Variants in SYNE1 observed in about 807,000 individuals in gnomAD.
The protein encoded by SYNE1 is spectrin repeat containing nuclear envelope protein 1, also known as nesprin-1.
SYNE1 carries 616 observed loss-of-function variants against 1,111.0 expected under a neutral mutation model. The ratio of observed to expected loss-of-function variants is 0.55; its 90% CI spans 0.52 to 0.59. The LOEUF is 0.59. SYNE1 is among the 20% of genes least tolerant of loss of function. The pLI, the probability that SYNE1 is intolerant of heterozygous loss-of-function variation, is 0.00. For missense variants in SYNE1, 10,006 were observed against 10,417.0 expected, an observed-to-expected ratio of 0.96 and a Z score of 1.72; for synonymous variants, 3,855 against 3,825.8, an observed-to-expected ratio of 1.01 and a Z score of -0.28.
rs959698366 is a variant in SYNE1, at chr6:152,447,678, C to G, written c.3505-56G>C. 8.1e-6 allele frequency: 13 copies of G among 1,608,768 alleles called. No individual in the cohort carries two copies. In the Admixed American group the frequency reaches 2.2e-4, roughly 27 times the overall value. ...AGTGCAATTGTGAAATCATAACTTT[C>G]CAGCAATAAAGGACTCAGCCTAAAA... On this transcript the variant is annotated intron_variant, in intron 28 of 145. Coordinates refer to ENST00000367255, the MANE Select transcript of SYNE1 (RefSeq NM_182961.4).
Position 152,516,588 on chromosome 6 carries a change from A to T in SYNE1, c.309+3871T>A, listed in dbSNP as rs529515881. ...CTGAAAAACTCTATCTTTATTTTTT[A>T]TTTTTATTTTTTTTAAGAGAAAGAG... On this transcript the variant is annotated intron_variant, in intron 6 of 145. Coordinates refer to ENST00000367255, the MANE Select transcript of SYNE1 (RefSeq NM_182961.4). Among the ~76,000 whole-genome samples the T allele has an allele frequency of 1.8e-4, 27 of 152,072 alleles. No individual in the cohort carries two copies. In the South Asian group the frequency reaches 4.2e-3, roughly 23 times the overall value.
Position 152,441,192 on chromosome 6 carries a change from G to A in SYNE1, c.4087C>T (p.His1363Tyr), listed in dbSNP as rs886044504. ...VRYLFQTGSSHERFLSFSSLE... is the reference protein window; with the variant it reads ...VRYLFQTGSSYERFLSFSSLE... ...CTGCTAAAACTCAAGAAGCGTTCAT[G>A]ACTGGAACCTGTTTGAAAAAGGTAT... The change falls in exon 32 of 146, where the codon CAT (histidine) becomes TAT (tyrosine). Residue 1363 changes from histidine (H) to tyrosine (Y), a missense_variant. Physicochemically the swap from His to Tyr is moderately conservative, Grantham distance 83 (BLOSUM62 2). Transcript: ENST00000367255. 1 of 1,613,332 alleles carries A rather than the reference G, an allele frequency of 6.2e-7. No homozygotes were observed. The highest frequency in any genetic ancestry group is 1.3e-5 in the African/African-American group (1 of 74,904).
Position 152,183,258 on chromosome 6 carries a change from C to T in SYNE1, c.23302-2964G>A, listed in dbSNP as rs141241085. Among the ~76,000 whole-genome samples the T allele has an allele frequency of 3.5e-3, 539 of 152,228 alleles. 4 individuals carry two copies. Among genetic ancestry groups the T allele is most frequent in the African/African-American group, 0.012 (517 of 41,546 alleles). ...GGAGTCTGGCTGGTAGTTAAAATCC[C>T]GGTTCAATTGATGGCCAAACTGAAA... On this transcript the variant is annotated intron_variant, in intron 128 of 145. Transcript: ENST00000367255.
rs201779943 is a variant in SYNE1 at position 152,293,634 on chromosome 6, C to A, written c.17966G>T (p.Ser5989Ile). 21 of 1,614,018 alleles carry A rather than the reference C, an allele frequency of 1.3e-5. No individual in the cohort carries two copies. The highest frequency in any genetic ancestry group is 3.3e-5 in the Admixed American group (2 of 59,998). ...TTCTGGACTCCTGCCAGGCTCTGGG[C>A]TCTCACTGAGTTTCAGCTCAATGGC... ...MEAIELKLSE[S>I]PEPGRSPESQ... Residue 5989 changes from serine (S) to isoleucine (I), a missense_variant, in exon 95 of 146, where the codon AGC becomes ATC. This residue lies in a region of SYNE1 where 4,955 missense variants were observed against 5,017.2 expected (regional missense o/e 0.99). Coordinates refer to ENST00000367255, the MANE Select transcript of SYNE1 (RefSeq NM_182961.4).
rs193008942 is a variant in SYNE1 at position 152,143,719 on chromosome 6, G to A, written c.25023C>T (p.Ala8341=). 66 of 1,614,182 alleles carry A rather than the reference G, an allele frequency of 4.1e-5. 1 individual carries two copies. The East Asian group carries it at 1.4e-3, about 33-fold the overall frequency. The change falls in exon 138 of 146, where the codon GCC becomes GCT. Residue 8341 remains alanine (A), a synonymous_variant. Coordinates refer to ENST00000367255, the MANE Select transcript of SYNE1 (RefSeq NM_182961.4). ...GTATCTGAAAACGGCTATCATCCAG[G>A]GCTTTGCCCAGTTGTCGGATCTGTG... ...LESQIRQLGK[A]LDDSRFQIQQ...
Position 152,380,909 on chromosome 6 carries a change from G to A in SYNE1, c.9009+97C>T, listed in dbSNP as rs527700730. On this transcript the variant is annotated intron_variant, in intron 56 of 145. Transcript: ENST00000367255. The stretch of plus-strand genomic sequence containing the variant: ...TACTTCTTCCAAGTGTGCATGTTGC[G>A]TGTTTTTAGTTAGCAAGATTTTTTT... 1.8e-4 allele frequency: 207 copies of A among 1,136,812 alleles called. 2 individuals carry two copies. The highest frequency in any genetic ancestry group is 2.6e-4 in the South Asian group (21 of 80,590). The allele number at this position is 1,136,812 out of a possible 1,614,324, so 70.4% of individuals were successfully genotyped here.
intron 2 of SYNE1, among the ~76,000 whole-genome samples, chr6:152,629,688 G>T (rs1225524463): frequency 6.6e-6 from 1 of 152,072 alleles, no homozygotes. Flanking sequence ...GAAATAATTA[G>T]ACAGAAAGAA....
At chr6:152,254,212 C>A (rs1354060196) in intron 104 of SYNE1, among the ~76,000 whole-genome samples, 1 of 149,332 alleles carries the variant, frequency 6.7e-6, no homozygotes, top group East Asian at 2.0e-4. Flanking sequence ...CAGTCTATGG[C>A]CCTTTCTATA....
intron 3 of SYNE1, among the ~76,000 whole-genome samples, chr6:152,628,044 C>CAAAAAAAAAAAAAAAA (rs66815986): frequency 2.7e-4 from 28 of 103,328 alleles, no homozygotes; most frequent in East Asian, 6.2e-4. Context: ...CACAAAATTA[C>CAAAAAAAAAAAAAAAA]AAAAAAAAAA....
rs745857717 is a variant in SYNE1, at chr6:152,318,863, C to A, written c.16389G>T (p.Lys5463Asn). ...DNVVQAKTDQ[K>N]VLGEELDGCN... ...TACCCTTTAAAATTCTACTTCTTAC[C>A]TTTTGGTCAGTTTTAGCTTGAACTA... Residue 5463 changes from lysine to asparagine, a missense_variant and splice_region_variant, in exon 85 of 146, where the codon AAG becomes AAT. Lys to Asn is a moderately conservative substitution (Grantham distance 94). This residue lies in a region of SYNE1 where 4,955 missense variants were observed against 5,017.2 expected (regional missense o/e 0.99). Coordinates refer to ENST00000367255, the MANE Select transcript of SYNE1 (RefSeq NM_182961.4). The A allele has an allele frequency of 6.2e-7, 1 of 1,614,018 alleles. No individual in the cohort carries two copies. The highest frequency in any genetic ancestry group is 1.7e-5 in the Admixed American group (1 of 60,020).
intron 101 of SYNE1, among the ~76,000 whole-genome samples, chr6:152,257,856 C>CA (rs552883407): frequency 4.6e-5 from 7 of 151,792 alleles, no homozygotes; most frequent in Non-Finnish European, 8.8e-5. Flanking sequence ...TAAATCATGC[C>CA]AAAAAATTCC....
intron 3 of SYNE1, among the ~76,000 whole-genome samples, chr6:152,574,686 T>C (rs987677998): frequency 1.3e-5 from 2 of 152,202 alleles, no homozygotes; most frequent in East Asian, 1.9e-4. Flanking sequence ...TTGAAGGATA[T>C]ACACTTTATA....
chr6:152,340,481 C>T (rs900876194), intron 74 of SYNE1, among the ~76,000 whole-genome samples: 10 of 152,292 alleles, frequency 6.6e-5, no homozygotes, highest in South Asian at 2.1e-4. Flanking sequence ...GCATCCTTCG[C>T]GTCTACCCAC....
At chr6:152,261,399 A>G (rs2091966040) in intron 101 of SYNE1, among the ~76,000 whole-genome samples, 2 of 152,046 alleles carry the variant, frequency 1.3e-5, no homozygotes, top group South Asian at 4.2e-4. Flanking sequence ...GAGTGAAGTA[A>G]TAGCCATTAT....
chr6:152,413,572 G>A, intron 41 of SYNE1, 41 bp from the exon 42 acceptor site: 1 of 1,574,834 alleles, frequency 6.3e-7, no homozygotes, highest in South Asian at 1.1e-5. Flanking sequence ...TTTACTAAAG[G>A]TAGTAAATGA....
At chr6:152,385,609 T>G in intron 55 of SYNE1, 65 bp downstream of exon 55, 1 of 1,573,532 alleles carries the variant, frequency 6.4e-7, no homozygotes. Context: ...ATCTACAAAA[T>G]CTTTATCAAA....
intron 18 of SYNE1, among the ~76,000 whole-genome samples, chr6:152,463,823 C>A (rs534732461): frequency 6.6e-6 from 1 of 152,062 alleles, no homozygotes; most frequent in Non-Finnish European, 1.5e-5. Flanking sequence ...GTGTAAGAGA[C>A]CTGTGCATAA....
In SYNE1 at chr6:152,232,328, C is replaced by T; in HGVS notation, c.20713-63G>A. ...AAATGGAAACCCCAACTTCTGCTAACTTAAAAACCCTACAATAATTCTTAA... is the reference window on the plus strand; with the variant it reads ...AAATGGAAACCCCAACTTCTGCTAATTTAAAAACCCTACAATAATTCTTAA... On this transcript the variant is annotated intron_variant, in intron 112 of 145. Coordinates refer to ENST00000367255, the MANE Select transcript of SYNE1 (RefSeq NM_182961.4). The T allele has an allele frequency of 2.6e-6, 4 of 1,527,764 alleles. No individual in the cohort carries two copies. In the South Asian group the frequency reaches 4.5e-5, roughly 17 times the overall value. The allele number at this position is 1,527,764 out of a possible 1,614,324, so 94.6% of individuals were successfully genotyped here.
chr6:152,170,058 A>G (rs2064797410), intron 130 of SYNE1, among the ~76,000 whole-genome samples: 1 of 152,194 alleles, frequency 6.6e-6, no homozygotes, highest in African/African-American at 2.4e-5. Context: ...GAAGTCTTCA[A>G]AACATTTTAT....
Sources: allele counts gnomAD v4.1 joint callset (sites outside exome capture counted in the v4.1 genomes callset), GRCh38; gene constraint gnomAD v4.1.1; regional missense constraint gnomAD v4.1.1; transcripts MANE v1.5; gene names NCBI Gene and HGNC (gene_info 2026-07-23, HGNC 2026-07-21).